The following DENND2C variants were observed in gnomAD, a reference collection of about 807,000 sequenced individuals.
DENND2C encodes DENN domain-containing protein 2C.
A neutral mutation model predicts 112.4 loss-of-function variants in DENND2C; 72 were observed. That is an observed-to-expected ratio of 0.64 (90% CI 0.53 to 0.78). DENND2C has a LOEUF of 0.78. DENND2C is among the 30% of genes least tolerant of loss of function. The pLI is 0.00. For missense variants in DENND2C, 992 were observed against 1,113.8 expected (o/e 0.89, Z 1.56); for synonymous variants, 329 against 381.6 (o/e 0.86, Z 1.61).
intron 10 of DENND2C, among the ~76,000 whole-genome samples, chr1:114,606,106 T>C (rs900156803): frequency 2.0e-5 from 3 of 152,248 alleles, no homozygotes; most frequent in African/African-American, 7.2e-5. Context: ...GAGAAGGAGG[T>C]CTTGCCATGT....
chr1:114,597,938 C>T (rs1478548890), intron 16 of DENND2C, among the ~76,000 whole-genome samples: 5 of 152,148 alleles, frequency 3.3e-5, no homozygotes, highest in African/African-American at 7.2e-5. Flanking sequence ...AATAACACTA[C>T]GCACCCACCA....
chr1:114,667,445 A>G (rs1002041830), intron 1 of DENND2C, among the ~76,000 whole-genome samples: 3 of 152,184 alleles, frequency 2.0e-5, no homozygotes, highest in African/African-American at 7.2e-5. Context: ...TTAATGAAAG[A>G]AGTTATGAGG....
At chr1:114,645,652 A>ACTT (rs1303836793) in intron 2 of DENND2C, 93 bp from the exon 3 acceptor site, 1 of 152,204 alleles carries the variant, frequency 6.6e-6, no homozygotes, top group African/African-American at 2.4e-5. Flanking sequence ...GAATCAGAAT[A>ACTT]CTTATTTGTC....
intron 12 of DENND2C, among the ~76,000 whole-genome samples, chr1:114,601,833 G>A (rs1027953491): frequency 1.3e-5 from 2 of 152,126 alleles, no homozygotes; most frequent in African/African-American, 4.8e-5. Context: ...GAGCTCCTTC[G>A]AGTAGCTCAT....
At chr1:114,669,781 C>T (rs1570830897) in intron 1 of DENND2C, among the ~76,000 whole-genome samples, 1 of 152,182 alleles carries the variant, frequency 6.6e-6, no homozygotes, top group East Asian at 1.9e-4. Context: ...GGCCCAACAA[C>T]CGGTTGCTCC....
At chr1:114,657,440 T>C (rs537253111) in intron 1 of DENND2C, among the ~76,000 whole-genome samples, 2 of 152,334 alleles carry the variant, frequency 1.3e-5, no homozygotes, top group Admixed American at 1.3e-4. Flanking sequence ...TAAGTCCTCA[T>C]GTATCACAGA....
chr1:114,596,101 G>A (rs748886453), intron 16 of DENND2C, among the ~76,000 whole-genome samples: 3 of 152,162 alleles, frequency 2.0e-5, no homozygotes, highest in Admixed American at 6.5e-5. Flanking sequence ...GGCCAGGCAC[G>A]GTGGCTCACA....
In DENND2C at chr1:114,585,460, T is replaced by G; in HGVS notation, c.*140A>C. The G allele has an allele frequency of 1.2e-6, 1 of 820,450 alleles. No individual in the cohort carries two copies. Among genetic ancestry groups the G allele is most frequent in the African/African-American group, 1.7e-5 (1 of 58,150 alleles). The allele number at this position is 820,450 out of a possible 1,614,324, so 50.8% of individuals were successfully genotyped here. A position where few individuals can be genotyped will look rare whatever the true frequency, so the allele number is the denominator to read the frequency against. ...TACTACAGCAGCAACAGGAGAATCC[T>G]CCTCTAACAGCCTGACTCGCTCTTT... is the stretch of plus-strand genomic sequence containing the variant. On this transcript the variant is annotated 3_prime_UTR_variant, in exon 21 of 21. Transcript: ENST00000393274.
chr1:114,612,404 T>G (rs1031560664), intron 8 of DENND2C, among the ~76,000 whole-genome samples: 1 of 150,944 alleles, frequency 6.6e-6, no homozygotes, highest in Non-Finnish European at 1.5e-5. Context: ...CAGGCTACAG[T>G]GCAGTGGCAC....
At chr1:114,591,193 C>G (rs1319586534) in intron 18 of DENND2C, among the ~76,000 whole-genome samples, 3 of 152,114 alleles carry the variant, frequency 2.0e-5, no homozygotes, top group African/African-American at 7.2e-5. Context: ...GTCTTGAACT[C>G]CTGGGCTCAA....
chr1:114,657,913 G>A (rs530046585), intron 1 of DENND2C, among the ~76,000 whole-genome samples: 1 of 152,298 alleles, frequency 6.6e-6, no homozygotes, highest in East Asian at 1.9e-4. Context: ...ACCTAAAGAA[G>A]GAGAGAGAGC....
chr1:114,596,453 A>AACT (rs1208839279), intron 16 of DENND2C, among the ~76,000 whole-genome samples: 2 of 152,258 alleles, frequency 1.3e-5, no homozygotes, highest in African/African-American at 4.8e-5. Context: ...TTTATGAGAC[A>AACT]ACTAGAGATT....
intron 2 of DENND2C, among the ~76,000 whole-genome samples, chr1:114,654,146 A>T (rs540645968): frequency 6.6e-6 from 1 of 152,298 alleles, no homozygotes; most frequent in South Asian, 2.1e-4. Context: ...TATAAAAAAT[A>T]AACAGGCCAG....
intron 19 of DENND2C, 81 bp from the exon 20 acceptor site, chr1:114,587,554 T>C: frequency 6.6e-7 from 1 of 1,524,288 alleles, no homozygotes; most frequent in Non-Finnish European, 9.1e-7. Context: ...TTATAACCAG[T>C]GTATTATTTC....
intron 3 of DENND2C, among the ~76,000 whole-genome samples, chr1:114,632,859 C>T (rs923695852): frequency 2.0e-5 from 3 of 151,656 alleles, no homozygotes; most frequent in Non-Finnish European, 4.4e-5. Flanking sequence ...ACATTCAACT[C>T]GTATGCAGGA....
rs775459970 is a variant in DENND2C, at chr1:114,585,586, G to A, written c.*14C>T. The A allele has an allele frequency of 1.6e-5, 26 of 1,613,478 alleles. No individual in the cohort carries two copies. In the East Asian group the frequency reaches 5.8e-4, roughly 36 times the overall value. ...CTTTCTGTTGTATATTCAGGATGGA[G>A]ACAATCAGAGATTTCATTTCTTTTG... On this transcript the variant is annotated 3_prime_UTR_variant, in exon 21 of 21. Coordinates refer to ENST00000393274, the MANE Select transcript of DENND2C (RefSeq NM_001256404.2).
intron 3 of DENND2C, among the ~76,000 whole-genome samples, chr1:114,638,794 AAAAAGAAAG>A (rs1656728353): frequency 6.6e-6 from 1 of 151,286 alleles, no homozygotes; most frequent in African/African-American, 2.4e-5. Flanking sequence ...AAAAAGAAAA[AAAAAGAAAG>A]AAAAGAAAGA....
chr1:114,626,564 G>A (rs1206855696), intron 3 of DENND2C, among the ~76,000 whole-genome samples: 1 of 138,224 alleles, frequency 7.2e-6, no homozygotes, highest in African/African-American at 2.7e-5. Flanking sequence ...AGTCTGGAGT[G>A]CAGTGGTGGT....
intron 1 of DENND2C, among the ~76,000 whole-genome samples, chr1:114,656,386 T>C (rs929858092): frequency 7.0e-6 from 1 of 143,096 alleles, no homozygotes; most frequent in African/African-American, 2.7e-5. Flanking sequence ...TTATAAACAT[T>C]CTTTTTCTTT....
Sources: gnomAD v4.1 joint callset for allele counts (sites outside exome capture counted in the v4.1 genomes callset) on GRCh38, gnomAD v4.1.1 for gene constraint, MANE v1.5 for transcripts, NCBI Gene and HGNC (gene_info 2026-07-23, HGNC 2026-07-21) for gene names.